Variants in OR51B5 observed in about 807,000 individuals in gnomAD.
OR51B5 encodes olfactory receptor family 51 subfamily B member 5, also known as olfactory receptor 51B5.
For missense variants in OR51B5, 456 were observed against 374.6 expected (o/e 1.22, Z -1.79); for synonymous variants, 186 against 144.8 (o/e 1.28, Z -2.04).
In OR51B5 at chr11:5,352,942, T is replaced by C. The variant is rs1445539671; in HGVS notation, n.85-6032A>G. Among the ~76,000 whole-genome samples, 6 of 150,138 alleles carry C rather than the reference T, an allele frequency of 4.0e-5. No homozygotes were observed. The East Asian group carries it at 1.2e-3, about 29-fold the overall frequency. ...ATTATATATATAATTCTTGGGTCTA[T>C]GATTTGGGTCACCGGCATTTCAGTC... On this transcript the variant is annotated intron_variant and non_coding_transcript_variant, in intron 1 of 4. Transcript: ENST00000415970.
chr11:5,505,101 C>T (rs11037871), intron 1 of OR51B5, among the ~76,000 whole-genome samples: 22,089 of 152,200 alleles, frequency 0.15, 2,100 homozygotes, highest in East Asian at 0.39. Context: ...AACATTTCTT[C>T]CCATTAGGTG....
intron 1 of OR51B5, among the ~76,000 whole-genome samples, chr11:5,375,497 A>C (rs1452472772): frequency 1.3e-5 from 2 of 152,156 alleles, no homozygotes; most frequent in African/African-American, 4.8e-5. Context: ...TTTAAATGTA[A>C]ATGGACTAAG....
intron 1 of OR51B5, among the ~76,000 whole-genome samples, chr11:5,425,616 T>C (rs80320822): frequency 0.026 from 3,905 of 152,256 alleles, 177 homozygotes; most frequent in African/African-American, 0.089. Context: ...TTTTTTTAAT[T>C]GGGAAATGTG....
At chr11:5,464,923 T>C (rs1590012230) in intron 1 of OR51B5, among the ~76,000 whole-genome samples, 4 of 152,288 alleles carry the variant, frequency 2.6e-5, no homozygotes, top group Admixed American at 6.5e-5. Flanking sequence ...AGTGTTCCTA[T>C]TGGCTGGGCG....
chr11:5,418,269 G>C lies in OR51B5; in HGVS notation n.85-71359C>G, dbSNP rs527795474. Reference sequence around the variant, plus strand: ...GGGGACTGTTGTGGGGTGCGGGGAGGGGGTAGGGATAGCATTGGGAGATAT... The same window carrying C: ...GGGGACTGTTGTGGGGTGCGGGGAGCGGGTAGGGATAGCATTGGGAGATAT... On this transcript the variant is annotated intron_variant and non_coding_transcript_variant, in intron 1 of 4. Coordinates refer to the OR51B5 transcript ENST00000415970. Among the ~76,000 whole-genome samples the C allele has an allele frequency of 2.5e-3, 373 of 152,148 alleles. 1 individual carries two copies. The highest frequency in any genetic ancestry group is 4.5e-3 in the Non-Finnish European group (303 of 67,994).
chr11:5,351,812 T>C, intron 1 of OR51B5: 2 of 1,614,114 alleles, frequency 1.2e-6, no homozygotes, highest in Non-Finnish European at 1.7e-6. Flanking sequence ...GCCTATTTTA[T>C]CCATACTCTT....
At chr11:5,437,734 G>A (rs769488139) in intron 1 of OR51B5, among the ~76,000 whole-genome samples, 61 of 152,286 alleles carry the variant, frequency 4.0e-4, no homozygotes, top group Admixed American at 1.2e-3. Flanking sequence ...GCTAGTTATC[G>A]TTAAGTTCTC....
At position 5,375,601 on chromosome 11, in the gene OR51B5, A is replaced by G. The variant is rs191685023; in HGVS notation, n.85-28691T>C. ...CACACACACACATAGGCTCAAAATA[A>G]AAGGATGGAGGAAGATCTACCAAGC... On this transcript the variant is annotated intron_variant and non_coding_transcript_variant, in intron 1 of 4. Transcript: ENST00000415970. Among the ~76,000 whole-genome samples the G allele has an allele frequency of 3.7e-3, 558 of 152,300 alleles. 5 individuals are homozygous for G. Among genetic ancestry groups the G allele is most frequent in the African/African-American group, 0.012 (505 of 41,550 alleles).
chr11:5,402,900 T>C (rs1849993681), intron 1 of OR51B5: 2 of 471,228 alleles, frequency 4.2e-6, no homozygotes, highest in Admixed American at 2.3e-5. Flanking sequence ...AGCTTGTCTT[T>C]TTCCAGATGT....
At chr11:5,436,698 T>C (rs1850600767) in intron 1 of OR51B5, among the ~76,000 whole-genome samples, 3 of 152,284 alleles carry the variant, frequency 2.0e-5, no homozygotes, top group Admixed American at 6.5e-5. Context: ...TATGCAAACA[T>C]ACACAGGCAT....
intron 1 of OR51B5, chr11:5,441,023 C>T: frequency 6.2e-7 from 1 of 1,613,956 alleles, no homozygotes; most frequent in Non-Finnish European, 8.5e-7. Context: ...GTCGTTTCAC[C>T]ACAAAAGGGA....
chr11:5,349,033 T>A (rs1323261860), intron 1 of OR51B5, among the ~76,000 whole-genome samples: 1 of 152,098 alleles, frequency 6.6e-6, no homozygotes, highest in African/African-American at 2.4e-5. Context: ...GAGCCATCAG[T>A]TTATGCGGCA....
chr11:5,431,850 G>C (rs1339693661), intron 1 of OR51B5, among the ~76,000 whole-genome samples: 1 of 152,164 alleles, frequency 6.6e-6, no homozygotes, highest in Non-Finnish European at 1.5e-5. Context: ...ATTTCAGACT[G>C]CTCCATCTTT....
intron 1 of OR51B5, chr11:5,390,382 C>A (rs376030473): frequency 1.0e-5 from 16 of 1,581,594 alleles, no homozygotes; most frequent in African/African-American, 1.3e-5. Flanking sequence ...GTAAATGAGT[C>A]CTGGGGCTAA....
intron 1 of OR51B5, among the ~76,000 whole-genome samples, chr11:5,463,623 C>T (rs1851091557): frequency 1.3e-5 from 2 of 152,116 alleles, no homozygotes. Context: ...TTCCTCCCAG[C>T]TTTGTTTAGG....
At chr11:5,384,691 A>C (rs1849658416) in intron 1 of OR51B5, among the ~76,000 whole-genome samples, 1 of 152,202 alleles carries the variant, frequency 6.6e-6, no homozygotes, top group Non-Finnish European at 1.5e-5. Flanking sequence ...ACAGTCATTC[A>C]CTTATTCAAC....
chr11:5,466,208 C>A (rs1241884959), intron 1 of OR51B5, among the ~76,000 whole-genome samples: 1 of 152,066 alleles, frequency 6.6e-6, no homozygotes, highest in Non-Finnish European at 1.5e-5. Flanking sequence ...CCAGTTTGAA[C>A]AAATATATTT....
At chr11:5,356,566 A>G (rs1849198282) in intron 1 of OR51B5, among the ~76,000 whole-genome samples, 1 of 144,358 alleles carries the variant, frequency 6.9e-6, no homozygotes, top group East Asian at 1.9e-4. Context: ...GATATTATCC[A>G]GGAGAACTTC....
intron 1 of OR51B5, among the ~76,000 whole-genome samples, chr11:5,458,689 A>G (rs1851000482): frequency 6.6e-6 from 1 of 152,090 alleles, no homozygotes; most frequent in African/African-American, 2.4e-5. Context: ...GTTAACTGTA[A>G]TCCTAGGTAT....
Sources: gnomAD v4.1 joint callset for allele counts (sites outside exome capture counted in the v4.1 genomes callset) on GRCh38, gnomAD v4.1.1 for gene constraint, MANE v1.5 for transcripts, NCBI Gene and HGNC (gene_info 2026-07-23, HGNC 2026-07-21) for gene names.